The following TTBK2 variants were observed in gnomAD, a reference collection of about 807,000 sequenced individuals.
TTBK2 encodes tau tubulin kinase 2, also known as tau-tubulin kinase 2.
TTBK2 carries 28 observed loss-of-function variants against 110.8 expected under a neutral mutation model. That is an observed-to-expected ratio of 0.25 (90% CI 0.19 to 0.35). The LOEUF is 0.35. Among genes scored for constraint, TTBK2 ranks in the 10% least tolerant of loss-of-function variants. TTBK2 has a pLI of 1.00. For synonymous variants in TTBK2, 532 were observed against 527.3 expected, an observed-to-expected ratio of 1.01 and a Z score of -0.12; for missense variants, 1,369 against 1,500.3, an observed-to-expected ratio of 0.91 and a Z score of 1.45.
chr15:42,868,696 A>C (rs1894484181), intron 3 of TTBK2, among the ~76,000 whole-genome samples: 1 of 136,770 alleles, frequency 7.3e-6, no homozygotes. Context: ...ACATCTCTAC[A>C]AAAAAAAAAA....
chr15:42,848,459 T>C (rs1306008437), intron 3 of TTBK2, among the ~76,000 whole-genome samples: 2 of 152,080 alleles, frequency 1.3e-5, no homozygotes, highest in South Asian at 4.1e-4. Flanking sequence ...AATCAGGGTT[T>C]TATAGTTTTC....
At chr15:42,829,801 G>A in intron 5 of TTBK2, 137 bp downstream of exon 5, 2 of 1,188,602 alleles carry the variant, frequency 1.7e-6, no homozygotes, top group Non-Finnish European at 1.2e-6. Context: ...TTGCTTCCAG[G>A]TCTCTATTGG....
Position 42,829,920 on chromosome 15 carries a change from G to T in TTBK2, c.432+18C>A, listed in dbSNP as rs1892680269. The T allele has an allele frequency of 6.2e-7, 1 of 1,613,876 alleles. No homozygotes were observed. The highest frequency in any genetic ancestry group is 1.3e-5 in the African/African-American group (1 of 74,994). On this transcript the variant is annotated intron_variant, in intron 5 of 14. Coordinates refer to ENST00000267890, the MANE Select transcript of TTBK2 (RefSeq NM_173500.4). ...AGTATCAAACTCATTCTGTGCTCTG[G>T]ATAGAAAAGGTCCCTACCGGTTTGA... is the stretch of plus-strand genomic sequence containing the variant.
chr15:42,789,220 C>T (rs1890537490), intron 10 of TTBK2, among the ~76,000 whole-genome samples: 1 of 152,128 alleles, frequency 6.6e-6, no homozygotes, highest in Admixed American at 6.5e-5. Context: ...CTTCCTCCCT[C>T]CTTGAACCCC....
rs532170237 is a variant in TTBK2, at chr15:42,797,029, C to T, written c.823-2228G>A. On this transcript the variant is annotated intron_variant, in intron 9 of 14. Transcript: ENST00000267890. ...TCTCCAAATGTCAGAGGTAGAGGGC[C>T]GTAGAAAACACAAAGGAGGAAATAA... Among the ~76,000 whole-genome samples, 6 of 152,168 alleles carry T rather than the reference C, an allele frequency of 3.9e-5. No homozygotes were observed. The East Asian group carries it at 1.2e-3, about 29-fold the overall frequency.
intron 3 of TTBK2, among the ~76,000 whole-genome samples, chr15:42,841,367 A>C (rs946859782): frequency 6.6e-6 from 1 of 151,956 alleles, no homozygotes; most frequent in African/African-American, 2.4e-5. Flanking sequence ...GTGCCACCAC[A>C]CCTGGCTGAT....
rs200585314 is a variant in TTBK2, at chr15:42,775,613, T to C, written c.1520A>G (p.Tyr507Cys). The C allele has an allele frequency of 2.5e-6, 4 of 1,614,060 alleles. No individual in the cohort carries two copies. The highest frequency in any genetic ancestry group is 1.7e-5 in the Admixed American group (1 of 60,012). The change falls in exon 13 of 15, where the codon TAT becomes TGT. Residue 507 changes from tyrosine to cysteine, a missense_variant. Physicochemically the swap from Tyr to Cys is radical, Grantham distance 194. Transcript: ENST00000267890. Reference sequence around the variant, plus strand: ...GGCATCTGGAAGATATTCTTCATCATAGTGCCAGATGTGGTCAGTACGGGA... The same window carrying C: ...GGCATCTGGAAGATATTCTTCATCACAGTGCCAGATGTGGTCAGTACGGGA... ...AVSRTDHIWH[Y>C]DEEYLPDASK...
Position 42,741,078 on chromosome 15 carries a change from A to G in TTBK2, c.*4717T>C, listed in dbSNP as rs1486860980. On this transcript the variant is annotated 3_prime_UTR_variant, in exon 15 of 15. Coordinates refer to ENST00000267890, the MANE Select transcript of TTBK2 (RefSeq NM_173500.4). ...TACAGTTTTTCTAGCAGTGTTGGACAATGGATTCTAAAGGTTCCTGAGACT... is the reference window on the plus strand; with the variant it reads ...TACAGTTTTTCTAGCAGTGTTGGACGATGGATTCTAAAGGTTCCTGAGACT... The G allele has an allele frequency of 2.0e-5, 3 of 152,342 alleles. No individual in the cohort carries two copies. In the East Asian group the frequency reaches 5.8e-4, roughly 29 times the overall value. The allele number at this position is 152,342 out of a possible 1,614,324, so 9.4% of individuals were successfully genotyped here. A position where few individuals can be genotyped will look rare whatever the true frequency, so the allele number is the denominator to read the frequency against.
rs1441821818 is a variant in TTBK2, at chr15:42,816,081, AATAAATATATATATATATATAT to A, written c.603+929_603+950del. On this transcript the variant is annotated intron_variant, in intron 7 of 14. Coordinates refer to ENST00000267890, the MANE Select transcript of TTBK2 (RefSeq NM_173500.4). ...AAATATATATATATAAAAATAAATA[AATAAATATATATATATATATAT>A]ATATATATATATATATGTGTATATT... Among the ~76,000 whole-genome samples the A allele has an allele frequency of 7.8e-4, 47 of 60,298 alleles. 1 individual carries two copies. Among genetic ancestry groups the A allele is most frequent in the East Asian group, 4.2e-3 (8 of 1,926 alleles). The allele number at this position is 60,298 out of a possible 152,430, so 39.6% of individuals were successfully genotyped here.
chr15:42,809,377 G>A (rs1210965356), intron 9 of TTBK2, among the ~76,000 whole-genome samples: 3 of 152,158 alleles, frequency 2.0e-5, no homozygotes, highest in Non-Finnish European at 2.9e-5. Context: ...TCAAACTTCA[G>A]CTGGTAAATA....
intron 1 of TTBK2, among the ~76,000 whole-genome samples, chr15:42,883,319 G>T (rs1895117641): frequency 6.6e-6 from 1 of 151,062 alleles, no homozygotes; most frequent in African/African-American, 2.4e-5. Flanking sequence ...GGAGGTTGCG[G>T]TGAGCCGAAA....
chr15:42,821,295 A>T (rs1892287137), intron 6 of TTBK2, among the ~76,000 whole-genome samples: 1 of 152,222 alleles, frequency 6.6e-6, no homozygotes, highest in Non-Finnish European at 1.5e-5. Context: ...AATCAGAGAC[A>T]GTATAGGAAA....
rs962624791 is a variant in TTBK2, at chr15:42,741,255, G to A, written c.*4540C>T. The A allele has an allele frequency of 2.6e-5, 4 of 152,214 alleles. No individual in the cohort carries two copies. Among genetic ancestry groups the A allele is most frequent in the Non-Finnish European group, 5.9e-5 (4 of 68,038 alleles). The allele number at this position is 152,214 out of a possible 1,614,324, so 9.4% of individuals were successfully genotyped here. A position where few individuals can be genotyped will look rare whatever the true frequency, so the allele number is the denominator to read the frequency against. ...GAAGTAGGATGTCCCAACACCCTCT[G>A]AGGGTTTTCATGCATTAATCCCGCC... On this transcript the variant is annotated 3_prime_UTR_variant, in exon 15 of 15. Transcript: ENST00000267890.
At chr15:42,776,086 C>A (rs1055980952) in intron 12 of TTBK2, among the ~76,000 whole-genome samples, 3 of 152,030 alleles carry the variant, frequency 2.0e-5, no homozygotes, top group African/African-American at 7.2e-5. Flanking sequence ...AGCGTGTAGA[C>A]ATGTGCTTAC....
chr15:42,900,718 T>TC (rs1183832313), intron 1 of TTBK2, among the ~76,000 whole-genome samples: 1 of 151,334 alleles, frequency 6.6e-6, no homozygotes, highest in Non-Finnish European at 1.5e-5. Context: ...CCAGACTCCA[T>TC]CCCCCCACCA....
intron 3 of TTBK2, among the ~76,000 whole-genome samples, chr15:42,863,835 G>A (rs1053172022): frequency 6.6e-6 from 1 of 152,246 alleles, no homozygotes; most frequent in East Asian, 1.9e-4. Flanking sequence ...ATGTGGAAAG[G>A]CCTCCCTATT....
chr15:42,892,890 A>G (rs764717637), intron 1 of TTBK2, among the ~76,000 whole-genome samples: 1 of 151,400 alleles, frequency 6.6e-6, no homozygotes, highest in Non-Finnish European at 1.5e-5. Context: ...TGTGCCTGCA[A>G]TCCCAGCTAC....
At chr15:42,880,913 T>TA (rs1362208590) in intron 1 of TTBK2, among the ~76,000 whole-genome samples, 7 of 151,474 alleles carry the variant, frequency 4.6e-5, no homozygotes, top group African/African-American at 1.7e-4. Flanking sequence ...CCTATGGAAC[T>TA]AAAAAAATTA....
chr15:42,756,163 C>T (rs2061943381), intron 13 of TTBK2, among the ~76,000 whole-genome samples: 1 of 151,958 alleles, frequency 6.6e-6, no homozygotes, highest in South Asian at 2.1e-4. Flanking sequence ...TGCCACTGTA[C>T]TCCAGCCTGT....
Sources: gnomAD v4.1 joint callset for allele counts (sites outside exome capture counted in the v4.1 genomes callset) on GRCh38, gnomAD v4.1.1 for gene constraint, MANE v1.5 for transcripts, NCBI Gene and HGNC (gene_info 2026-07-23, HGNC 2026-07-21) for gene names.